CFAP61: variants seen among roughly 807,000 people sequenced by gnomAD.
CFAP61 encodes the protein cilia and flagella associated protein 61, also known as cilia- and flagella-associated protein 61.
CFAP61 carries 107 observed loss-of-function variants against 135.6 expected under a neutral mutation model. The observed-to-expected ratio is 0.79, with a 90% CI of 0.67 to 0.93. The LOEUF (loss-of-function observed/expected upper bound fraction) is 0.93, where lower values mean the gene tolerates loss of function less well. Among genes scored for constraint, CFAP61 ranks in the 40% least tolerant of loss-of-function variants. The pLI is 0.00. For missense variants in CFAP61, 1,507 were observed against 1,556.2 expected, an observed-to-expected ratio of 0.97 and a Z score of 0.53; for synonymous variants, 575 against 578.5, an observed-to-expected ratio of 0.99 and a Z score of 0.09.
At chr20:20,129,485 G>A (rs778593718) in intron 8 of CFAP61, among the ~76,000 whole-genome samples, 6 of 151,638 alleles carry the variant, frequency 4.0e-5, no homozygotes, top group Non-Finnish European at 8.8e-5. Flanking sequence ...CTGCTTTTAG[G>A]ATCCTCTCTT....
intron 25 of CFAP61, among the ~76,000 whole-genome samples, chr20:20,329,070 C>T (rs2057877313): frequency 6.6e-6 from 1 of 152,124 alleles, no homozygotes; most frequent in Admixed American, 6.5e-5. Flanking sequence ...ACCTTTTGCT[C>T]CCTCTCCCTG....
chr20:20,318,422 G>T (rs2122229516), intron 25 of CFAP61, among the ~76,000 whole-genome samples: 1 of 152,306 alleles, frequency 6.6e-6, no homozygotes, highest in East Asian at 1.9e-4. Flanking sequence ...CATTAGTCAG[G>T]AATCTTGTCT....
intron 22 of CFAP61, among the ~76,000 whole-genome samples, chr20:20,286,056 C>A (rs1490053560): frequency 6.7e-6 from 1 of 149,010 alleles, no homozygotes; most frequent in East Asian, 2.0e-4. Flanking sequence ...GGGAAATTAT[C>A]CCCATCCTGG....
At chr20:20,276,574 C>CA (rs2053783023) in intron 21 of CFAP61, among the ~76,000 whole-genome samples, 2 of 152,110 alleles carry the variant, frequency 1.3e-5, no homozygotes, top group African/African-American at 4.8e-5. Flanking sequence ...TTTTTGCTAA[C>CA]AAAAATACTG....
intron 18 of CFAP61, among the ~76,000 whole-genome samples, chr20:20,242,444 T>C (rs2050083330): frequency 6.6e-6 from 1 of 152,240 alleles, no homozygotes; most frequent in African/African-American, 2.4e-5. Flanking sequence ...CAGAAGTCTC[T>C]ACTTAGGTGC....
chr20:20,086,362 T>C (rs1373094139), intron 6 of CFAP61, among the ~76,000 whole-genome samples: 1 of 125,858 alleles, frequency 7.9e-6, no homozygotes, highest in Non-Finnish European at 1.6e-5. Flanking sequence ...TTCCCCTTCC[T>C]GTGTCCATGT....
At chr20:20,199,695 A>T in intron 16 of CFAP61, 73 bp from the exon 17 acceptor site, 1 of 1,528,038 alleles carries the variant, frequency 6.5e-7, no homozygotes. Flanking sequence ...TGTATTTGTA[A>T]AGCTGTACGC....
intron 26 of CFAP61, among the ~76,000 whole-genome samples, chr20:20,358,560 G>A (rs970044065): frequency 7.9e-5 from 12 of 152,134 alleles, no homozygotes; most frequent in African/African-American, 2.2e-4. Context: ...ATATATCCAC[G>A]AGGCCTTACT....
intron 26 of CFAP61, among the ~76,000 whole-genome samples, chr20:20,343,426 A>G (rs906080366): frequency 6.6e-6 from 1 of 152,230 alleles, no homozygotes; most frequent in Non-Finnish European, 1.5e-5. Context: ...CCAGCAAGTA[A>G]ATGCAGCTGA....
chr20:20,109,674 G>A (rs758572528), intron 8 of CFAP61, among the ~76,000 whole-genome samples: 6 of 152,126 alleles, frequency 3.9e-5, no homozygotes, highest in African/African-American at 7.2e-5. Context: ...ATTCTCTCCT[G>A]TAGCTGTGAT....
At chr20:20,092,974 A>G (rs1274412279) in intron 7 of CFAP61, among the ~76,000 whole-genome samples, 1 of 152,242 alleles carries the variant, frequency 6.6e-6, no homozygotes, top group African/African-American at 2.4e-5. Context: ...TTCCATACAC[A>G]GAATTGAAAA....
intron 2 of CFAP61, among the ~76,000 whole-genome samples, chr20:20,066,660 CG>C (rs2045295222): frequency 6.6e-6 from 1 of 151,954 alleles, no homozygotes; most frequent in African/African-American, 2.4e-5. Flanking sequence ...GGGAACATCA[CG>C]CACCAGGGCC....
At chr20:20,054,013 G>GT (rs1239349657) in intron 1 of CFAP61, among the ~76,000 whole-genome samples, 674 of 59,052 alleles carry the variant, frequency 0.011, no homozygotes, top group Middle Eastern at 0.036. Context: ...TTTTTTGTTT[G>GT]TTTTTTTTTT....
intron 13 of CFAP61, among the ~76,000 whole-genome samples, chr20:20,180,176 A>T (rs967775299): frequency 1.3e-5 from 2 of 152,170 alleles, no homozygotes; most frequent in African/African-American, 4.8e-5. Context: ...TTTACAAGGG[A>T]AAAACAACCC....
rs551334624 is a variant in CFAP61, at chr20:20,274,828, C to T, written c.2504-2338C>T. ...TATTTAATATAACATTATATTATCA[C>T]GGCATTCTACTATATTTTATGGGAA... is the stretch of plus-strand genomic sequence containing the variant. On this transcript the variant is annotated intron_variant, in intron 21 of 26. Transcript: ENST00000245957. Among the ~76,000 whole-genome samples, 9 of 152,222 alleles carry T rather than the reference C, an allele frequency of 5.9e-5. No individual in the cohort carries two copies. In the South Asian group the frequency reaches 1.9e-3, roughly 32 times the overall value.
chr20:20,193,753 A>G (rs1490617308), intron 15 of CFAP61, among the ~76,000 whole-genome samples: 2 of 152,112 alleles, frequency 1.3e-5, no homozygotes, highest in Non-Finnish European at 2.9e-5. Context: ...AGCTGGAATT[A>G]CAGGTGTGCA....
In CFAP61 at chr20:20,288,627, G is replaced by A. The variant is rs2054770049; in HGVS notation, c.2815G>A (p.Glu939Lys). 1 of 1,612,608 alleles carries A rather than the reference G, an allele frequency of 6.2e-7. No individual in the cohort carries two copies. The highest frequency in any genetic ancestry group is 8.5e-7 in the Non-Finnish European group (1 of 1,178,650). ...LQCSMFFSFC[E>K]KNVDYETFKA... Reference sequence around the variant, plus strand: ...TTCGTAGATGTTCTTCAGCTTCTGTGAGAAGAATGTGGATTATGAAACGTT... The same window carrying A: ...TTCGTAGATGTTCTTCAGCTTCTGTAAGAAGAATGTGGATTATGAAACGTT... The change falls in exon 23 of 27, where the codon GAG becomes AAG. Residue 939 changes from glutamate to lysine, a missense_variant. Coordinates refer to ENST00000245957, the MANE Select transcript of CFAP61 (RefSeq NM_015585.4).
In CFAP61 at chr20:20,288,326, G is replaced by A. The variant is rs116507208; in HGVS notation, c.2797-283G>A. Among the ~76,000 whole-genome samples the A allele has an allele frequency of 4.2e-3, 645 of 152,260 alleles. 1 individual carries two copies. The highest frequency in any genetic ancestry group is 0.014 in the African/African-American group (586 of 41,562). On this transcript the variant is annotated intron_variant, in intron 22 of 26. Coordinates refer to ENST00000245957, the MANE Select transcript of CFAP61 (RefSeq NM_015585.4). ...GTACAAATGTAAACCCTCTTCCGCC[G>A]AAAACCACTCACACTTTTGTGGGAG... is the stretch of plus-strand genomic sequence containing the variant.
intron 13 of CFAP61, among the ~76,000 whole-genome samples, chr20:20,171,241 C>G (rs952322669): frequency 6.6e-6 from 1 of 152,202 alleles, no homozygotes. Context: ...CTAAACACAA[C>G]TGCCTTGAGC....
Sources: allele counts gnomAD v4.1 joint callset (sites outside exome capture counted in the v4.1 genomes callset), GRCh38; gene constraint gnomAD v4.1.1; transcripts MANE v1.5; gene names NCBI Gene and HGNC (gene_info 2026-07-23, HGNC 2026-07-21).